Variants in PLD4 observed in about 807,000 individuals in gnomAD.
PLD4 encodes 5'-3' exonuclease PLD4.
A neutral mutation model predicts 52.3 loss-of-function variants in PLD4; 54 were observed. That is an observed-to-expected ratio of 1.03 (90% CI 0.83 to 1.30). The LOEUF is 1.30. PLD4 is among the 50% of genes most tolerant of loss of function. PLD4 has a pLI of 0.00. For synonymous variants in PLD4, 264 were observed against 286.5 expected, an observed-to-expected ratio of 0.92 and a Z score of 0.79; for missense variants, 731 against 671.1, an observed-to-expected ratio of 1.09 and a Z score of -0.99.
chr14:104,931,514 G>A (rs915465767), intron 7 of PLD4, among the ~76,000 whole-genome samples: 6 of 152,124 alleles, frequency 3.9e-5, no homozygotes, highest in Non-Finnish European at 5.9e-5. Flanking sequence ...TTTCTGGGAC[G>A]TCAATCCAGC....
chr14:104,926,049 G>T (rs1010783990), intron 1 of PLD4, among the ~76,000 whole-genome samples: 1 of 152,174 alleles, frequency 6.6e-6, no homozygotes, highest in African/African-American at 2.4e-5. Flanking sequence ...TGGGAGGACA[G>T]CCCAGACGAA....
rs778484699 is a variant in PLD4, at chr14:104,930,008, G to T, written c.620G>T (p.Arg207Leu). 1 of 1,613,596 alleles carries T rather than the reference G, an allele frequency of 6.2e-7. No homozygotes were observed. Among genetic ancestry groups the T allele is most frequent in the South Asian group, 1.1e-5 (1 of 91,080 alleles). ...GAHVRQVPMG[R>L]LTRGVLHSKF... Reference sequence around the variant, plus strand: ...CATGTACGACAGGTGCCCATGGGGCGGCTCACCAGGGGTGTTTTGCACTCC... The same window carrying T: ...CATGTACGACAGGTGCCCATGGGGCTGCTCACCAGGGGTGTTTTGCACTCC... The change falls in exon 6 of 11, where the codon CGG (arginine) becomes CTG (leucine). Residue 207 changes from arginine to leucine, a missense_variant. Coordinates refer to ENST00000392593, the MANE Select transcript of PLD4 (RefSeq NM_138790.5).
chr14:104,929,119 T>C, intron 4 of PLD4, 187 bp downstream of exon 4: 1 of 1,198,534 alleles, frequency 8.3e-7, no homozygotes, highest in Non-Finnish European at 1.1e-6. Context: ...GCTGGGCCTC[T>C]GGGTGACTAA....
In PLD4 at chr14:104,924,915, C is replaced by G. The variant is rs987419567; in HGVS notation, c.-76C>G. On this transcript the variant is annotated 5_prime_UTR_variant, in exon 1 of 11. Coordinates refer to ENST00000392593, the MANE Select transcript of PLD4 (RefSeq NM_138790.5). This position sits in a 1 kb window ranked among gnomAD's most constrained non-coding sequence, Gnocchi z 4.4. ...GGTTGGTGTGGAGCACAGGCAGCAC[C>G]GAGCCTGCCCCGTGAGCTGAGGGCC... is the stretch of plus-strand genomic sequence containing the variant. 2.0e-5 allele frequency: 3 copies of G among 152,872 alleles called. No homozygotes were observed. Among genetic ancestry groups the G allele is most frequent in the African/African-American group, 7.2e-5 (3 of 41,466 alleles). The allele number at this position is 152,872 out of a possible 1,614,324, so 9.5% of individuals were successfully genotyped here.
In PLD4 at chr14:104,933,059, C is replaced by T. The variant is rs1036710973; in HGVS notation, c.*95C>T. 6.4e-5 allele frequency: 87 copies of T among 1,354,090 alleles called. No individual in the cohort carries two copies. The highest frequency in any genetic ancestry group is 7.9e-5 in the Non-Finnish European group (82 of 1,033,280). 83.9% of individuals were successfully genotyped at this position (1,354,090 alleles called of 1,614,324 possible). A position where few individuals can be genotyped will look rare whatever the true frequency, so the allele number is the denominator to read the frequency against. The stretch of plus-strand genomic sequence containing the variant: ...CAGCCGCTTCCTCCCGCAAGCAGCC[C>T]GGGTCCGCACTGCGCCAGGAGCCGC... On this transcript the variant is annotated 3_prime_UTR_variant, in exon 11 of 11. Coordinates refer to ENST00000392593, the MANE Select transcript of PLD4 (RefSeq NM_138790.5).
chr14:104,925,968 C>T (rs1897441823), intron 1 of PLD4, among the ~76,000 whole-genome samples: 1 of 152,168 alleles, frequency 6.6e-6, no homozygotes. Context: ...GGCCCGACTC[C>T]TGTGGTGTTC....
Position 104,932,456 on chromosome 14 carries a change from G to C in PLD4, c.1321+101G>C. 1.5e-6 allele frequency: 2 copies of C among 1,294,534 alleles called. No homozygotes were observed. Among genetic ancestry groups the C allele is most frequent in the Non-Finnish European group, 1.1e-6 (1 of 919,042 alleles). The allele number at this position is 1,294,534 out of a possible 1,614,324, so 80.2% of individuals were successfully genotyped here. On this transcript the variant is annotated intron_variant, in intron 10 of 10. Coordinates refer to ENST00000392593, the MANE Select transcript of PLD4 (RefSeq NM_138790.5). This position sits in a 1 kb window ranked among gnomAD's most constrained non-coding sequence, Gnocchi z 6.5. ...CGGCGTGGACACCTCAGGAGGGAGG[G>C]GCTGCTGCTGAAGGGGGACGGGGTC...
At chr14:104,935,951 A>T (rs1247122709), downstream of PLD4, 2 of 152,246 alleles carry the variant, frequency 1.3e-5, no homozygotes, top group African/African-American at 4.8e-5. Context: ...AGAGAACCCA[A>T]CAAAGCCACA....
rs1367312106 is a variant in PLD4 at position 104,927,135 on chromosome 14, G to A, written c.1-6G>A. The A allele has an allele frequency of 2.6e-6, 4 of 1,551,180 alleles. No individual in the cohort carries two copies. Among genetic ancestry groups the A allele is most frequent in the Admixed American group, 2.0e-5 (1 of 51,162 alleles). ...GCTGCTGGTGATGCCAGGCTGCCCT[G>A]TGCAGATGCTGAAGCCTCTTTGGAA... On this transcript the variant is annotated splice_region_variant and splice_polypyrimidine_tract_variant and intron_variant, in intron 1 of 10. Coordinates refer to ENST00000392593, the MANE Select transcript of PLD4 (RefSeq NM_138790.5).
At chr14:104,937,530 GC>G (rs138031000), downstream of PLD4, 11,205 of 152,672 alleles carry the variant, frequency 0.073, 1,345 homozygotes, top group African/African-American at 0.26. Context: ...CTTGAAACTT[GC>G]CATTAGTGAG....
rs761836484 is a variant in PLD4, at chr14:104,932,940, C to A, written c.1497C>A (p.Gly499=). The part of the protein sequence containing the change: ...YAVGLDGQAP[G]QDCVWQG ...TCGGCCTGGACGGACAGGCTCCGGG[C>A]CAGGACTGCGTTTGGCAGGGCTGAG... The change falls in exon 11 of 11, where the codon GGC becomes GGA. Residue 499 remains glycine (G), a synonymous_variant. Coordinates refer to ENST00000392593, the MANE Select transcript of PLD4 (RefSeq NM_138790.5). This position sits in a 1 kb window ranked among gnomAD's most constrained non-coding sequence, Gnocchi z 6.5. 2 of 1,596,292 alleles carry A rather than the reference C, an allele frequency of 1.3e-6. No homozygotes were observed. Among genetic ancestry groups the A allele is most frequent in the East Asian group, 2.3e-5 (1 of 44,164 alleles).
intron 6 of PLD4, 23 bp downstream of exon 6, chr14:104,930,128 A>T (rs1390502788): frequency 3.7e-6 from 6 of 1,611,828 alleles, no homozygotes; most frequent in Non-Finnish European, 5.1e-6. Context: ...GCCCTAACAC[A>T]GGAGGCCTGC....
chr14:104,927,090 C>A (rs1021758265), intron 1 of PLD4, 51 bp from the exon 2 acceptor site: 3 of 1,462,946 alleles, frequency 2.1e-6, no homozygotes, highest in South Asian at 2.7e-5. Flanking sequence ...CACTGAGGGG[C>A]AGTTCTGGGC....
intron 3 of PLD4, among the ~76,000 whole-genome samples, chr14:104,928,228 A>G (rs1355994794): frequency 2.0e-5 from 3 of 151,968 alleles, no homozygotes; most frequent in Non-Finnish European, 4.4e-5. Context: ...GGGTCCTGGA[A>G]TCCCAGGACT....
chr14:104,934,671 C>G (rs976835264), downstream of PLD4: 4 of 152,220 alleles, frequency 2.6e-5, no homozygotes, highest in African/African-American at 9.7e-5. Flanking sequence ...TACTTCTCTC[C>G]TTTTCCTACC....
downstream of PLD4, chr14:104,934,000 GC>G (rs1897751464): frequency 8.9e-6 from 1 of 112,598 alleles, no homozygotes; most frequent in Non-Finnish European, 1.8e-5. Flanking sequence ...GAGGGGACCC[GC>G]GGCTGAGGGG....
downstream of PLD4, chr14:104,936,092 T>TG (rs901109675): frequency 6.6e-5 from 10 of 152,336 alleles, no homozygotes; most frequent in African/African-American, 2.2e-4. Context: ...GAGAACCCTG[T>TG]GGGGGCCCCT....
Position 104,928,906 on chromosome 14 carries a change from G to T in PLD4, c.442G>T (p.Gly148Trp). 2 of 1,605,488 alleles carry T rather than the reference G, an allele frequency of 1.2e-6. No individual in the cohort carries two copies. Among genetic ancestry groups the T allele is most frequent in the South Asian group, 2.2e-5 (2 of 90,860 alleles). The stretch of plus-strand genomic sequence containing the variant: ...CTGGTCCCTCACAGGGCCTGACATC[G>T]GGGTCAACGACTCGTCTTCCCAGCT... The part of the protein sequence containing the change: ...YYWSLTGPDI[G>W]VNDSSSQLGE... Residue 148 changes from glycine (G) to tryptophan (W), a missense_variant, in exon 4 of 11, where the codon GGG becomes TGG. Coordinates refer to ENST00000392593, the MANE Select transcript of PLD4 (RefSeq NM_138790.5).
In PLD4 at chr14:104,927,860, CCTG is replaced by C. The variant is rs1244208068; in HGVS notation, c.280_282del (p.Cys94del). 6.4e-7 allele frequency: 1 copy of C among 1,572,198 alleles called. No homozygotes were observed. Among genetic ancestry groups the C allele is most frequent in the South Asian group, 1.1e-5 (1 of 87,936 alleles). On this transcript the variant is annotated inframe_deletion, in exon 3 of 11. Coordinates refer to ENST00000392593, the MANE Select transcript of PLD4 (RefSeq NM_138790.5). Reference sequence around the variant, plus strand: ...GCAGAGGCCAGGCAGCAGAGGGACTCCTGCCAGTAAGTGAGCCCATGGAGGCCT... The same window carrying C: ...GCAGAGGCCAGGCAGCAGAGGGACTCCCAGTAAGTGAGCCCATGGAGGCCT...
Sources: gnomAD v4.1 joint callset for allele counts (sites outside exome capture counted in the v4.1 genomes callset) on GRCh38, gnomAD v4.1.1 for gene constraint, Gnocchi (gnomAD v3.1) non-coding constraint, MANE v1.5 for transcripts, NCBI Gene and HGNC (gene_info 2026-07-23, HGNC 2026-07-21) for gene names.